The following GOLPH3L variants were observed in gnomAD, a reference collection of about 807,000 sequenced individuals.
GOLPH3L encodes the protein golgi phosphoprotein 3 like.
GOLPH3L carries 22 observed loss-of-function variants against 30.3 expected under a neutral mutation model. The ratio of observed to expected loss-of-function variants is 0.73; its 90% CI spans 0.52 to 1.04. The LOEUF (loss-of-function observed/expected upper bound fraction) is 1.04. Among genes scored for constraint, GOLPH3L ranks in the 50% least tolerant of loss-of-function variants. The probability of loss-of-function intolerance (pLI) is 0.00; values close to 1 mark genes in which losing one functional copy is unlikely to be tolerated. For synonymous variants in GOLPH3L, 120 were observed against 128.2 expected, an observed-to-expected ratio of 0.94 and a Z score of 0.43; for missense variants, 303 against 345.8, an observed-to-expected ratio of 0.88 and a Z score of 0.98.
chr1:150,687,045 G>A (rs1651100315), intron 2 of GOLPH3L, among the ~76,000 whole-genome samples: 1 of 152,028 alleles, frequency 6.6e-6, no homozygotes, highest in African/African-American at 2.4e-5. Flanking sequence ...GTAGCTACTG[G>A]GAGACTTATT....
At position 150,694,685 on chromosome 1, in the gene GOLPH3L, C is replaced by G. The variant is rs746914110; in HGVS notation, c.154G>C (p.Val52Leu). 1 of 1,607,514 alleles carries G rather than the reference C, an allele frequency of 6.2e-7. No homozygotes were observed. Among genetic ancestry groups the G allele is most frequent in the South Asian group, 1.1e-5 (1 of 89,624 alleles). Reference protein sequence around the residue: ...KDIRLTLMEEVLLLGLKDKEG... With the variant: ...KDIRLTLMEELLLLGLKDKEG... ...TTATCTTTTAGTCCCAGAAGCAATACTTCTTCCATAAGAGTAAGGCGGATA... is the reference window on the plus strand; with the variant it reads ...TTATCTTTTAGTCCCAGAAGCAATAGTTCTTCCATAAGAGTAAGGCGGATA... The change falls in exon 2 of 5, where the codon GTA (valine) becomes CTA (leucine). Residue 52 changes from valine (V) to leucine (L), a missense_variant. Transcript: ENST00000271732.
chr1:150,659,818 A>C (rs1650328954), intron 4 of GOLPH3L, among the ~76,000 whole-genome samples: 1 of 152,098 alleles, frequency 6.6e-6, no homozygotes, highest in South Asian at 2.1e-4. Flanking sequence ...AGACTGTCTG[A>C]GCTCAGGAGT....
chr1:150,658,176 G>A (rs1454668929), intron 4 of GOLPH3L, among the ~76,000 whole-genome samples: 1 of 152,214 alleles, frequency 6.6e-6, no homozygotes, highest in East Asian at 1.9e-4. Context: ...TGATGCTGAG[G>A]AGGACCCCAA....
chr1:150,670,880 T>G (rs1171739322), intron 2 of GOLPH3L, among the ~76,000 whole-genome samples: 1 of 152,208 alleles, frequency 6.6e-6, no homozygotes, highest in East Asian at 1.9e-4. Flanking sequence ...TTACATGCAT[T>G]ATAATTTTAT....
chr1:150,663,797 T>C (rs1473594950), intron 2 of GOLPH3L, 34 bp from the exon 3 acceptor site: 2 of 1,600,606 alleles, frequency 1.2e-6, no homozygotes, highest in Non-Finnish European at 1.7e-6. Flanking sequence ...GAAAGAATGT[T>C]TTGAGAGGAA....
intron 2 of GOLPH3L, among the ~76,000 whole-genome samples, chr1:150,675,183 A>G (rs1650743947): frequency 6.6e-6 from 1 of 152,120 alleles, no homozygotes; most frequent in African/African-American, 2.4e-5. Flanking sequence ...CCTGGCTTCC[A>G]ATGATTTAAA....
chr1:150,688,109 G>A (rs964760312), intron 2 of GOLPH3L, among the ~76,000 whole-genome samples: 82 of 152,302 alleles, frequency 5.4e-4, no homozygotes, highest in African/African-American at 1.9e-3. Context: ...ATTAGGGGCA[G>A]GCATAAGAGA....
chr1:150,682,093 T>C lies in GOLPH3L; in HGVS notation c.183+12563A>G, dbSNP rs371897857. 2.1e-3 allele frequency among the ~76,000 whole-genome samples: 323 copies of C among 152,038 alleles called. 13 individuals carry two copies. In the South Asian group the frequency reaches 0.066, roughly 31 times the overall value. ...AAAAAAAAAATGATGCATCTGTGTA[T>C]ACATATATATGCACTGAAAACAGTC... On this transcript the variant is annotated intron_variant, in intron 2 of 4. Transcript: ENST00000271732.
intron 2 of GOLPH3L, among the ~76,000 whole-genome samples, chr1:150,669,404 G>C (rs1650588821): frequency 6.6e-6 from 1 of 152,140 alleles, no homozygotes; most frequent in Non-Finnish European, 1.5e-5. Flanking sequence ...TTTCCTCTTA[G>C]TGTATCTATC....
At chr1:150,670,490 G>C (rs1176271253) in intron 2 of GOLPH3L, among the ~76,000 whole-genome samples, 1 of 150,906 alleles carries the variant, frequency 6.6e-6, no homozygotes, top group African/African-American at 2.4e-5. Context: ...CCAGCTACTT[G>C]GGAGGCTGAG....
intron 2 of GOLPH3L, among the ~76,000 whole-genome samples, chr1:150,681,996 G>A (rs1650962666): frequency 6.6e-6 from 1 of 151,878 alleles, no homozygotes; most frequent in South Asian, 2.1e-4. Context: ...AACTTGGGAG[G>A]TGGAGCTTTC....
Position 150,663,622 on chromosome 1 carries a change from G to T in GOLPH3L, c.315+10C>A, listed in dbSNP as rs1650423695. On this transcript the variant is annotated intron_variant, in intron 3 of 4. Transcript: ENST00000271732. ...CCATAAGCCATGGACGTTCACAGAG[G>T]ATTCAGTACCTTTCTGTCTAGTAGT... The T allele has an allele frequency of 6.2e-7, 1 of 1,602,738 alleles. No individual in the cohort carries two copies. Among genetic ancestry groups the T allele is most frequent in the African/African-American group, 1.3e-5 (1 of 74,580 alleles).
At chr1:150,694,281 T>C (rs1040045476) in intron 2 of GOLPH3L, 1 of 291,934 alleles carries the variant, frequency 3.4e-6, no homozygotes, top group Non-Finnish European at 6.9e-6. Context: ...TGTCTTTTCA[T>C]GTAAAAGACT....
intron 2 of GOLPH3L, among the ~76,000 whole-genome samples, chr1:150,672,678 A>T (rs587701152): frequency 6.6e-6 from 1 of 152,124 alleles, no homozygotes; most frequent in South Asian, 2.1e-4. Context: ...TGATCCACCC[A>T]CCTCAGCCTC....
At chr1:150,656,653 C>T (rs1650247512) in intron 4 of GOLPH3L, among the ~76,000 whole-genome samples, 1 of 152,148 alleles carries the variant, frequency 6.6e-6, no homozygotes, top group African/African-American at 2.4e-5. Flanking sequence ...GACTCTAACT[C>T]CTTATTTGGA....
intron 4 of GOLPH3L, among the ~76,000 whole-genome samples, chr1:150,661,172 G>C (rs1342338561): frequency 6.6e-6 from 1 of 152,150 alleles, no homozygotes; most frequent in Non-Finnish European, 1.5e-5. Context: ...AGGTTGCAGT[G>C]AGCTGAGATT....
At chr1:150,694,290 CTA>C in intron 2 of GOLPH3L, 1 of 282,216 alleles carries the variant, frequency 3.5e-6, no homozygotes, top group Admixed American at 4.8e-5. Flanking sequence ...ATGTAAAAGA[CTA>C]TTTCTCCTCA....
At chr1:150,661,422 A>G (rs1650366250) in intron 4 of GOLPH3L, among the ~76,000 whole-genome samples, 1 of 152,200 alleles carries the variant, frequency 6.6e-6, no homozygotes, top group Non-Finnish European at 1.5e-5. Context: ...AAATAACTCA[A>G]AGATTCATCA....
intron 1 of GOLPH3L, among the ~76,000 whole-genome samples, chr1:150,695,474 G>A (rs1423945782): frequency 6.6e-6 from 1 of 151,944 alleles, no homozygotes; most frequent in Non-Finnish European, 1.5e-5. Context: ...TATAAAGAAG[G>A]AGTGAATATC....
Sources: gnomAD v4.1 joint callset for allele counts (sites outside exome capture counted in the v4.1 genomes callset) on GRCh38, gnomAD v4.1.1 for gene constraint, MANE v1.5 for transcripts, NCBI Gene and HGNC (gene_info 2026-07-23, HGNC 2026-07-21) for gene names.